HMCN1: variants seen among roughly 807,000 people sequenced by gnomAD.
The protein encoded by HMCN1 is hemicentin-1.
A neutral mutation model predicts 625.9 loss-of-function variants in HMCN1; 321 were observed. The observed-to-expected ratio is 0.51, with a 90% CI of 0.47 to 0.56. The LOEUF is 0.56. Among genes scored for constraint, HMCN1 ranks in the 20% least tolerant of loss-of-function variants. The pLI is 0.00. For synonymous variants in HMCN1, 2,425 were observed against 2,417.6 expected (o/e 1.00, Z -0.09); for missense variants, 6,588 against 6,887.3 (o/e 0.96, Z 1.54).
chr1:186,039,765 A>G lies in HMCN1; in HGVS notation c.6066A>G (p.Ala2022=). 1 of 1,613,592 alleles carries G rather than the reference A, an allele frequency of 6.2e-7. No homozygotes were observed. Among genetic ancestry groups the G allele is most frequent in the Non-Finnish European group, 8.5e-7 (1 of 1,179,630 alleles). Residue 2022 remains alanine (A), a synonymous_variant, in exon 39 of 107, where the codon GCA becomes GCG. Transcript: ENST00000271588. The stretch of plus-strand genomic sequence containing the variant: ...TTTCTGGCAGCAATAACATGGTGGC[A>G]GTGGTGGTTAATAACCCGGTGAGGT... The part of the protein sequence containing the change: ...PSISGSNNMV[A]VVVNNPVRLE...
chr1:185,881,631 C>T (rs1664317340), intron 4 of HMCN1, among the ~76,000 whole-genome samples: 1 of 152,160 alleles, frequency 6.6e-6, no homozygotes, highest in African/African-American at 2.4e-5. Flanking sequence ...TTGCTGGGGA[C>T]CTACCCTTTT....
chr1:185,883,091 A>G (rs1664412024), intron 4 of HMCN1, among the ~76,000 whole-genome samples: 1 of 152,094 alleles, frequency 6.6e-6, no homozygotes, highest in African/African-American at 2.4e-5. Flanking sequence ...GCTTTTGAAT[A>G]ATGAAAAGAA....
intron 29 of HMCN1, among the ~76,000 whole-genome samples, chr1:186,004,618 C>T (rs1435291977): frequency 2.0e-5 from 3 of 151,750 alleles, no homozygotes; most frequent in Non-Finnish European, 4.4e-5. Flanking sequence ...GGCAAAAAAG[C>T]AAAGGTTTGA....
intron 46 of HMCN1, among the ~76,000 whole-genome samples, chr1:186,059,342 A>G (rs905303039): frequency 6.6e-6 from 1 of 152,162 alleles, no homozygotes; most frequent in African/African-American, 2.4e-5. Flanking sequence ...AAAAATGTTC[A>G]CTTGCTAAGG....
At chr1:186,181,585 T>C (rs985139556) in intron 104 of HMCN1, among the ~76,000 whole-genome samples, 1 of 152,162 alleles carries the variant, frequency 6.6e-6, no homozygotes, top group Non-Finnish European at 1.5e-5. Flanking sequence ...CAACTATATA[T>C]GTATGTACTT....
chr1:185,984,348 T>G, intron 19 of HMCN1, 35 bp downstream of exon 19: 1 of 1,606,488 alleles, frequency 6.2e-7, no homozygotes, highest in African/African-American at 1.3e-5. Context: ...GTTTCGAAAC[T>G]GTGTTCAAAG....
chr1:185,930,545 A>G (rs1409810624), intron 10 of HMCN1, among the ~76,000 whole-genome samples: 2 of 152,178 alleles, frequency 1.3e-5, no homozygotes, highest in Non-Finnish European at 2.9e-5. Context: ...TCATGCCATT[A>G]TGGATATTAT....
intron 1 of HMCN1, among the ~76,000 whole-genome samples, chr1:185,776,563 C>CT (rs140384209): frequency 0.049 from 7,475 of 151,156 alleles, 563 homozygotes; most frequent in African/African-American, 0.17. Flanking sequence ...TTGTGACTTT[C>CT]TTGTAATAAA....
intron 105 of HMCN1, among the ~76,000 whole-genome samples, chr1:186,186,458 C>T (rs1413482437): frequency 1.4e-4 from 21 of 152,074 alleles, no homozygotes; most frequent in African/African-American, 4.3e-4. Context: ...GCCCAGGAGG[C>T]GGAGCTTGCA....
chr1:186,130,281 A>T (rs896817204), intron 84 of HMCN1, among the ~76,000 whole-genome samples, 181 bp downstream of exon 84: 1 of 152,174 alleles, frequency 6.6e-6, no homozygotes, highest in African/African-American at 2.4e-5. Flanking sequence ...AGTAGATAAG[A>T]AGTAAAGAGA....
At chr1:186,006,823 A>G (rs1280764932) in intron 29 of HMCN1, among the ~76,000 whole-genome samples, 1 of 151,796 alleles carries the variant, frequency 6.6e-6, no homozygotes, top group Admixed American at 6.6e-5. Flanking sequence ...AAAAGCTGAA[A>G]AAAGAATAAG....
At chr1:185,969,445 CT>C (rs1270957740) in intron 14 of HMCN1, among the ~76,000 whole-genome samples, 1 of 152,138 alleles carries the variant, frequency 6.6e-6, no homozygotes, top group African/African-American at 2.4e-5. Context: ...TGCCCCGAGT[CT>C]GTTGGCTGTT....
intron 52 of HMCN1, among the ~76,000 whole-genome samples, chr1:186,073,556 A>G (rs1658604341): frequency 1.3e-5 from 2 of 152,180 alleles, no homozygotes. Flanking sequence ...CAGTTGCTGG[A>G]GGGATGCCCT....
chr1:185,774,410 TAAAG>T (rs1322059839), intron 1 of HMCN1, among the ~76,000 whole-genome samples: 1 of 152,122 alleles, frequency 6.6e-6, no homozygotes, highest in Non-Finnish European at 1.5e-5. Flanking sequence ...ACAATATAAA[TAAAG>T]AAGAGGGCAG....
intron 1 of HMCN1, among the ~76,000 whole-genome samples, chr1:185,845,783 A>T (rs74456235): frequency 0.032 from 4,869 of 152,318 alleles, 237 homozygotes; most frequent in African/African-American, 0.11. Context: ...TTGTCCTGTG[A>T]CTATTTTACT....
intron 38 of HMCN1, 131 bp downstream of exon 38, chr1:186,039,136 T>C: frequency 1.4e-6 from 1 of 737,438 alleles, no homozygotes; most frequent in Non-Finnish European, 2.5e-6. Context: ...GGCACAGTGT[T>C]CTAAAACTTA....
chr1:185,856,965 C>G (rs755896170), intron 2 of HMCN1, among the ~76,000 whole-genome samples: 1 of 152,070 alleles, frequency 6.6e-6, no homozygotes, highest in Non-Finnish European at 1.5e-5. Flanking sequence ...TTTCCAACTC[C>G]TCTCACAGTT....
chr1:185,866,563 C>T (rs1325033361), intron 4 of HMCN1, among the ~76,000 whole-genome samples: 1 of 151,830 alleles, frequency 6.6e-6, no homozygotes, highest in South Asian at 2.1e-4. Flanking sequence ...CACCACCACG[C>T]CCGGCTAATT....
rs527819065 is a variant in HMCN1, at chr1:186,059,804, A to G, written c.7313-2047A>G. ...TAATAGGTACAAGAAACGTCTCCAT[A>G]TAAGTATAATTTACTGTCAGAACCC... On this transcript the variant is annotated intron_variant, in intron 46 of 106. Coordinates refer to ENST00000271588, the MANE Select transcript of HMCN1 (RefSeq NM_031935.3). 7.9e-5 allele frequency among the ~76,000 whole-genome samples: 12 copies of G among 152,212 alleles called. 1 individual carries two copies. The highest frequency in any genetic ancestry group is 1.9e-4 in the East Asian group (1 of 5,176).
Sources: gnomAD v4.1 joint callset for allele counts (sites outside exome capture counted in the v4.1 genomes callset) on GRCh38, gnomAD v4.1.1 for gene constraint, MANE v1.5 for transcripts, NCBI Gene and HGNC (gene_info 2026-07-23, HGNC 2026-07-21) for gene names.